The following GPHN variants were observed in gnomAD, a reference collection of about 807,000 sequenced individuals.
GPHN encodes gephyrin.
GPHN carries 17 observed loss-of-function variants against 95.5 expected under a neutral mutation model. The ratio of observed to expected loss-of-function variants is 0.18; its 90% CI spans 0.12 to 0.27. The LOEUF (loss-of-function observed/expected upper bound fraction) is 0.27, where lower values mean the gene tolerates loss of function less well. Among genes scored for constraint, GPHN ranks in the 10% least tolerant of loss-of-function variants. The probability of loss-of-function intolerance (pLI) is 1.00; values close to 1 mark genes in which losing one functional copy is unlikely to be tolerated. For synonymous variants in GPHN, 320 were observed against 322.5 expected (o/e 0.99, Z 0.08); for missense variants, 660 against 978.1 (o/e 0.67, Z 4.34).
At chr14:67,387,846 G>A in the GPHN span, among the ~76,000 whole-genome samples, 1 of 152,212 alleles carries the variant, frequency 6.6e-6, no homozygotes, top group Non-Finnish European at 1.5e-5. Context: ...AGTTTCCACA[G>A]ACACAAGATG....
chr14:67,635,856 A>G, the GPHN span, among the ~76,000 whole-genome samples: 2 of 152,200 alleles, frequency 1.3e-5, no homozygotes, highest in African/African-American at 4.8e-5. Flanking sequence ...CATCTAAAAA[A>G]AATTTTTTTT....
At chr14:67,256,455 A>T in the GPHN span, among the ~76,000 whole-genome samples, 1 of 152,224 alleles carries the variant, frequency 6.6e-6, no homozygotes, top group Non-Finnish European at 1.5e-5. Context: ...TTAACAGTGT[A>T]TTTTATTTAA....
chr14:67,347,509 T>TC, the GPHN span: 1 of 1,492,268 alleles, frequency 6.7e-7, no homozygotes, highest in Non-Finnish European at 9.2e-7. Flanking sequence ...TCTCTTTTTT[T>TC]TTTTTTTCTG....
At chr14:67,081,086 T>C (rs1178682093) in intron 11 of GPHN, among the ~76,000 whole-genome samples, 1 of 152,230 alleles carries the variant, frequency 6.6e-6, no homozygotes, top group Non-Finnish European at 1.5e-5. Context: ...TGCAAGTGTC[T>C]TTCATGTATA....
chr14:67,189,837 A>ATTTTTTTTTTTTT, the GPHN span: 3 of 108,096 alleles, frequency 2.8e-5, no homozygotes, highest in African/African-American at 7.6e-5. Flanking sequence ...ATTTTTTTTA[A>ATTTTTTTTTTTTT]TTTTTTTTTT....
At chr14:67,003,260 T>C (rs2072365876) in intron 9 of GPHN, among the ~76,000 whole-genome samples, 1 of 151,672 alleles carries the variant, frequency 6.6e-6, no homozygotes, top group African/African-American at 2.4e-5. Flanking sequence ...AGTTTATAAG[T>C]GGGCAAAGCA....
intron 10 of GPHN, among the ~76,000 whole-genome samples, chr14:67,057,415 G>GC (rs2075640723): frequency 6.6e-6 from 1 of 151,382 alleles, no homozygotes; most frequent in African/African-American, 2.4e-5. Context: ...CATGGGTGGG[G>GC]GGGGCAACAG....
At chr14:67,574,397 G>A in the GPHN span, 1 of 1,568,904 alleles carries the variant, frequency 6.4e-7, no homozygotes, top group Non-Finnish European at 8.6e-7. This position sits in a 1 kb window ranked among gnomAD's most constrained non-coding sequence, Gnocchi z 4.2. Context: ...AGGGCTGGCT[G>A]ACCAAGGTAG....
chr14:67,229,288 C>G, the GPHN span, among the ~76,000 whole-genome samples: 5 of 152,142 alleles, frequency 3.3e-5, no homozygotes, highest in Non-Finnish European at 5.9e-5. Flanking sequence ...CTATTTAACT[C>G]AAATTTCACA....
intron 17 of GPHN, among the ~76,000 whole-genome samples, chr14:67,134,953 C>CTTCTTTTTTTTTTTTTTTTT (rs573340363): frequency 1.5e-4 from 7 of 45,250 alleles, no homozygotes; most frequent in Non-Finnish European, 2.1e-4. Flanking sequence ...TTTCTTTCTT[C>CTTCTTTTTTTTTTTTTTTTT]TTTTTTTTTT....
At chr14:66,767,428 C>T (rs1383601077) in intron 2 of GPHN, among the ~76,000 whole-genome samples, 6 of 138,872 alleles carry the variant, frequency 4.3e-5, no homozygotes, top group African/African-American at 8.6e-5. Context: ...ATTGCAGACT[C>T]GCTTTTTGAA....
chr14:67,566,411 C>A, the GPHN span, among the ~76,000 whole-genome samples: 4 of 152,118 alleles, frequency 2.6e-5, no homozygotes, highest in Admixed American at 2.6e-4. Context: ...GCTCACTTTG[C>A]CATTTTGCCA....
chr14:66,879,349 A>G (rs910858966), intron 4 of GPHN, among the ~76,000 whole-genome samples: 6 of 126,980 alleles, frequency 4.7e-5, no homozygotes, highest in Admixed American at 7.8e-5. Flanking sequence ...AACTGAAAGT[A>G]TATTAAAAAA....
the GPHN span, chr14:67,582,034 T>C: frequency 6.3e-7 from 1 of 1,589,116 alleles, no homozygotes; most frequent in Non-Finnish European, 8.6e-7. This position sits in a 1 kb window ranked among gnomAD's most constrained non-coding sequence, Gnocchi z 5.0. Flanking sequence ...TTGGAATCCC[T>C]GCTGAGTCCT....
chr14:67,063,692 A>G (rs2075917764), intron 11 of GPHN, among the ~76,000 whole-genome samples: 1 of 152,164 alleles, frequency 6.6e-6, no homozygotes, highest in Non-Finnish European at 1.5e-5. Context: ...TCTTTGTATC[A>G]ATTGTGAATG....
the GPHN span, among the ~76,000 whole-genome samples, chr14:67,635,077 T>C: frequency 6.6e-6 from 1 of 151,282 alleles, no homozygotes; most frequent in African/African-American, 2.5e-5. Context: ...AAATCTTGTC[T>C]CTACAAAAAA....
the GPHN span, among the ~76,000 whole-genome samples, chr14:67,416,855 G>A: frequency 2.0e-5 from 3 of 152,238 alleles, no homozygotes; most frequent in African/African-American, 7.2e-5. Flanking sequence ...ATAAAGGTGA[G>A]GCTTCTCACA....
chr14:67,082,085 C>T (rs1239473591), intron 11 of GPHN, among the ~76,000 whole-genome samples: 1 of 151,908 alleles, frequency 6.6e-6, no homozygotes, highest in Non-Finnish European at 1.5e-5. Context: ...GTGTGGGCTC[C>T]TTTTTTGGTT....
chr14:67,364,779 A>G, the GPHN span: 11 of 1,613,106 alleles, frequency 6.8e-6, no homozygotes, highest in African/African-American at 1.3e-4. Context: ...TGCCGGGTCT[A>G]AGTTGTAGAT....
Sources: allele counts gnomAD v4.1 joint callset (sites outside exome capture counted in the v4.1 genomes callset), GRCh38; gene constraint gnomAD v4.1.1; non-coding constraint Gnocchi (gnomAD v3.1); transcripts MANE v1.5; gene names NCBI Gene and HGNC (gene_info 2026-07-23, HGNC 2026-07-21).